The following ARRB1 variants were observed in gnomAD, a reference collection of about 807,000 sequenced individuals.
ARRB1 encodes arrestin beta 1.
ARRB1 carries 21 observed loss-of-function variants against 56.8 expected under a neutral mutation model. The observed-to-expected ratio is 0.37, with a 90% CI of 0.26 to 0.53. The LOEUF is 0.53. Among genes scored for constraint, ARRB1 ranks in the 20% least tolerant of loss-of-function variants. The pLI is 0.88. For synonymous variants in ARRB1, 210 were observed against 218.6 expected (o/e 0.96, Z 0.35); for missense variants, 424 against 553.7 (o/e 0.77, Z 2.35).
chr11:75,323,506 G>T (rs1171278438), intron 1 of ARRB1, among the ~76,000 whole-genome samples: 1 of 152,152 alleles, frequency 6.6e-6, no homozygotes, highest in Non-Finnish European at 1.5e-5. Context: ...TGTAGTCCCA[G>T]CTACTCGGGA....
intron 1 of ARRB1, among the ~76,000 whole-genome samples, chr11:75,340,244 C>T (rs543197178): frequency 3.9e-5 from 6 of 152,360 alleles, no homozygotes; most frequent in Admixed American, 1.3e-4. Flanking sequence ...GAGGCTTCCC[C>T]GCTTTGCAGC....
chr11:75,288,090 TGA>T (rs1194398417), intron 2 of ARRB1, among the ~76,000 whole-genome samples: 4 of 152,188 alleles, frequency 2.6e-5, no homozygotes, highest in African/African-American at 9.7e-5. Flanking sequence ...CTCAAATTCC[TGA>T]CCTCAGGTGA....
At position 75,281,159 on chromosome 11, in the gene ARRB1, A is replaced by C. The variant is rs1216901068; in HGVS notation, c.415-17T>G. ...ACCGCAAGCCTGTGGGGAAGGGGTC[A>C]CTGACCACAGGGCCTTGGAGAAGCA... On this transcript the variant is annotated splice_polypyrimidine_tract_variant and intron_variant, in intron 6 of 15. Coordinates refer to ENST00000420843, the MANE Select transcript of ARRB1 (RefSeq NM_004041.5). 1 of 1,587,130 alleles carries C rather than the reference A, an allele frequency of 6.3e-7. No individual in the cohort carries two copies. The highest frequency in any genetic ancestry group is 2.3e-5 in the East Asian group (1 of 44,304).
In ARRB1 at chr11:75,261,539, C is replaced by G. The variant is rs2140381251; in HGVS notation, c.*4624G>C. Reference sequence around the variant, plus strand: ...AAAGCTCTGTGGAATATCAGGGGTTCCGCAGCACCTGGTTTGAAAACCACT... The same window carrying G: ...AAAGCTCTGTGGAATATCAGGGGTTGCGCAGCACCTGGTTTGAAAACCACT... On this transcript the variant is annotated 3_prime_UTR_variant, in exon 16 of 16. Transcript: ENST00000420843. 6.6e-6 allele frequency: 1 copy of G among 152,312 alleles called. No individual in the cohort carries two copies. The highest frequency in any genetic ancestry group is 2.1e-4 in the South Asian group (1 of 4,824). The allele number at this position is 152,312 out of a possible 1,614,324, so 9.4% of individuals were successfully genotyped here.
chr11:75,300,807 A>G (rs920088280), intron 1 of ARRB1, among the ~76,000 whole-genome samples: 15 of 151,038 alleles, frequency 9.9e-5, no homozygotes, highest in Non-Finnish European at 2.2e-4. Context: ...TCTACTAAAA[A>G]ACACAAAAAA....
chr11:75,290,090 G>T (rs1277156870), intron 1 of ARRB1, 51 bp from the exon 2 acceptor site: 3 of 1,611,766 alleles, frequency 1.9e-6, no homozygotes, highest in South Asian at 1.1e-5. Context: ...CTGCCCAGGG[G>T]CAAGCTCCTG....
intron 1 of ARRB1, among the ~76,000 whole-genome samples, chr11:75,338,189 C>T (rs1186307295): frequency 7.9e-5 from 12 of 152,148 alleles, no homozygotes; most frequent in African/African-American, 2.9e-4. Context: ...GGGACTTTCC[C>T]ATAGGACATG....
At chr11:75,314,853 C>T (rs1216238693) in intron 1 of ARRB1, among the ~76,000 whole-genome samples, 1 of 152,252 alleles carries the variant, frequency 6.6e-6, no homozygotes, top group South Asian at 2.1e-4. Context: ...GTGATCCACC[C>T]GCCTCGGCCT....
chr11:75,267,512 A>G (rs1183880379), intron 15 of ARRB1, 140 bp downstream of exon 15: 2 of 786,214 alleles, frequency 2.5e-6, no homozygotes, highest in Non-Finnish European at 4.2e-6. Context: ...GTTGCTGAAG[A>G]GGCGAGCAGA....
At chr11:75,279,556 C>T (rs1268642834) in intron 7 of ARRB1, among the ~76,000 whole-genome samples, 1 of 152,206 alleles carries the variant, frequency 6.6e-6, no homozygotes, top group Non-Finnish European at 1.5e-5. Flanking sequence ...TCCCAGCTCT[C>T]CTCTTACTAA....
rs1319903504 is a variant in ARRB1 at position 75,260,965 on chromosome 11, C to T, written c.*5198G>A. 2 of 152,318 alleles carry T rather than the reference C, an allele frequency of 1.3e-5. No homozygotes were observed. Among genetic ancestry groups the T allele is most frequent in the Non-Finnish European group, 1.5e-5 (1 of 68,150 alleles). 9.4% of individuals were successfully genotyped at this position (152,318 alleles called of 1,614,324 possible). A position where few individuals can be genotyped will look rare whatever the true frequency, so the allele number is the denominator to read the frequency against. ...TCACACTGCTTCTCCTGCTGTGTCC[C>T]TTGGGCCTAGGCCAGGAAAGTGGGG... On this transcript the variant is annotated 3_prime_UTR_variant, in exon 16 of 16. Coordinates refer to ENST00000420843, the MANE Select transcript of ARRB1 (RefSeq NM_004041.5).
chr11:75,273,540 G>A (rs996998974), intron 11 of ARRB1, among the ~76,000 whole-genome samples: 1 of 152,156 alleles, frequency 6.6e-6, no homozygotes, highest in Non-Finnish European at 1.5e-5. Flanking sequence ...TGCTCTAGAC[G>A]TAGGCCAAAG....
chr11:75,306,429 CTA>C (rs924792209), intron 1 of ARRB1: 1 of 501,502 alleles, frequency 2.0e-6, no homozygotes, highest in Middle Eastern at 3.2e-4. Flanking sequence ...CCATCCCCAC[CTA>C]TGCCAGAGGC....
intron 10 of ARRB1, chr11:75,274,466 G>T: frequency 2.1e-6 from 1 of 472,382 alleles, no homozygotes; most frequent in Non-Finnish European, 3.8e-6. Flanking sequence ...TCCTAGTCAA[G>T]CAGCACAGTG....
intron 1 of ARRB1, chr11:75,306,807 G>T: frequency 1.8e-6 from 1 of 561,274 alleles, no homozygotes; most frequent in Non-Finnish European, 2.7e-6. Context: ...GGCCATGGAG[G>T]GCGGATGTCC....
intron 1 of ARRB1, among the ~76,000 whole-genome samples, chr11:75,336,025 G>A (rs546832304): frequency 8.9e-4 from 136 of 152,182 alleles, no homozygotes; most frequent in Middle Eastern, 3.4e-3. Flanking sequence ...CAGTGTCTGG[G>A]GCTGGGCCTG....
At chr11:75,317,522 AT>A (rs1947283869) in intron 1 of ARRB1, among the ~76,000 whole-genome samples, 1 of 152,010 alleles carries the variant, frequency 6.6e-6, no homozygotes, top group Admixed American at 6.5e-5. Flanking sequence ...ACTAGGTCAG[AT>A]CCCCCCATCA....
intron 1 of ARRB1, among the ~76,000 whole-genome samples, chr11:75,298,923 ATAATGT>A (rs753887949): frequency 7.5e-6 from 1 of 134,124 alleles, no homozygotes; most frequent in African/African-American, 4.0e-5. Context: ...GTAAATTAAC[ATAATGT>A]TAATTATGTT....
At chr11:75,312,990 G>C (rs1361781440) in intron 1 of ARRB1, among the ~76,000 whole-genome samples, 1 of 152,190 alleles carries the variant, frequency 6.6e-6, no homozygotes, top group Admixed American at 6.5e-5. Context: ...AGGAGTAATA[G>C]GAGACTAATA....
Sources: allele counts gnomAD v4.1 joint callset (sites outside exome capture counted in the v4.1 genomes callset), GRCh38; gene constraint gnomAD v4.1.1; transcripts MANE v1.5; gene names NCBI Gene and HGNC (gene_info 2026-07-23, HGNC 2026-07-21).